NFYA: variants seen among roughly 807,000 people sequenced by gnomAD.
NFYA encodes the protein CAAT-box DNA binding protein subunit A.
A neutral mutation model predicts 52.8 loss-of-function variants in NFYA; 28 were observed. The observed-to-expected ratio is 0.53, with a 90% CI of 0.39 to 0.73. The LOEUF is 0.73. Ranked by LOEUF, NFYA falls within the 30% of genes least tolerant of loss-of-function variation. The pLI is 0.00. For synonymous variants in NFYA, 150 were observed against 150.7 expected (o/e 1.00, Z 0.03); for missense variants, 234 against 427.0 (o/e 0.55, Z 3.98).
intron 3 of NFYA, among the ~76,000 whole-genome samples, 164 bp from the exon 4 acceptor site, chr6:41,083,882 T>A (rs1763974366): frequency 6.6e-6 from 1 of 152,274 alleles, no homozygotes; most frequent in African/African-American, 2.4e-5. Flanking sequence ...ACAGGATTCA[T>A]AGATATTTAA....
intron 2 of NFYA, 36 bp downstream of exon 2, chr6:41,079,200 T>C (rs1561850499): frequency 3.1e-6 from 5 of 1,588,192 alleles, no homozygotes; most frequent in Non-Finnish European, 4.3e-6. Context: ...ATTACAGCAA[T>C]GAAACTGATA....
chr6:41,078,184 A>G (rs1446965849), intron 1 of NFYA, among the ~76,000 whole-genome samples: 1 of 152,206 alleles, frequency 6.6e-6, no homozygotes, highest in Non-Finnish European at 1.5e-5. Flanking sequence ...TTTAGATATC[A>G]ATACACTTCT....
In NFYA at chr6:41,099,769, G is replaced by A. The variant is rs1764450806; in HGVS notation, c.*2359G>A. The A allele has an allele frequency of 6.6e-6, 1 of 151,252 alleles. No individual in the cohort carries two copies. Among genetic ancestry groups the A allele is most frequent in the Non-Finnish European group, 1.5e-5 (1 of 67,930 alleles). The allele number at this position is 151,252 out of a possible 1,614,324, so 9.4% of individuals were successfully genotyped here. A position where few individuals can be genotyped will look rare whatever the true frequency, so the allele number is the denominator to read the frequency against. ...AAGTGTATATATTTTAACTGCACTG[G>A]TACATTGAACATGTCAGTGTCGATG... On this transcript the variant is annotated 3_prime_UTR_variant, in exon 10 of 10. Coordinates refer to ENST00000341376, the MANE Select transcript of NFYA (RefSeq NM_002505.5).
intron 1 of NFYA, among the ~76,000 whole-genome samples, chr6:41,076,597 AAG>A (rs1305820235): frequency 6.6e-6 from 1 of 152,226 alleles, no homozygotes; most frequent in Admixed American, 6.5e-5. Context: ...TAGTGGGGCA[AAG>A]AGAATTGCAC....
At chr6:41,073,524 C>T (rs1022963747) in intron 1 of NFYA, among the ~76,000 whole-genome samples, 3 of 152,112 alleles carry the variant, frequency 2.0e-5, no homozygotes, top group African/African-American at 7.2e-5. Context: ...ACTCTCCACT[C>T]TCCGGCCCTT....
chr6:41,091,586 G>C lies in NFYA; in HGVS notation c.606G>C (p.Gln202His), dbSNP rs1332683674. ...TIPAASLAGA[Q>H]IVQTGANTNT... is the part of the protein sequence containing the mutation. ...CAGCAGCCAGTTTGGCAGGAGCACAGATTGTTCAAACAGGAGCCAATACCA... is the reference window on the plus strand; with the variant it reads ...CAGCAGCCAGTTTGGCAGGAGCACACATTGTTCAAACAGGAGCCAATACCA... The change falls in exon 7 of 10, where the codon CAG becomes CAC. Residue 202 changes from glutamine (Q) to histidine (H), a missense_variant. Gln to His is a conservative substitution (Grantham distance 24, BLOSUM62 0). This residue lies in a region of NFYA where 81 missense variants were observed against 210.5 expected (regional missense o/e 0.38). Coordinates refer to ENST00000341376, the MANE Select transcript of NFYA (RefSeq NM_002505.5). The C allele has an allele frequency of 6.2e-7, 1 of 1,614,096 alleles. No homozygotes were observed. The highest frequency in any genetic ancestry group is 8.5e-7 in the Non-Finnish European group (1 of 1,180,032).
intron 4 of NFYA, among the ~76,000 whole-genome samples, chr6:41,088,829 C>G (rs1227239832): frequency 6.6e-6 from 1 of 151,172 alleles, no homozygotes; most frequent in Non-Finnish European, 1.5e-5. Context: ...AATCTGCTCG[C>G]CTCAGCCTCC....
chr6:41,093,319 G>C (rs1233690984), intron 8 of NFYA, among the ~76,000 whole-genome samples: 1 of 152,122 alleles, frequency 6.6e-6, no homozygotes, highest in Admixed American at 6.6e-5. Flanking sequence ...CATAAAAGTA[G>C]TCCAGAGATA....
At chr6:41,086,271 C>T (rs915956067) in intron 4 of NFYA, among the ~76,000 whole-genome samples, 3 of 152,066 alleles carry the variant, frequency 2.0e-5, no homozygotes, top group Admixed American at 6.5e-5. Flanking sequence ...ATTTAATTGT[C>T]GGTTTGCTCA....
In NFYA at chr6:41,100,811, G is replaced by A. The variant is rs953786095; in HGVS notation, c.*3401G>A. Among the ~76,000 whole-genome samples, 14 of 152,224 alleles carry A rather than the reference G, an allele frequency of 9.2e-5. No individual in the cohort carries two copies. The highest frequency in any genetic ancestry group is 2.9e-4 in the African/African-American group (12 of 41,454). On this transcript the variant is annotated 3_prime_UTR_variant, in exon 10 of 10. Transcript: ENST00000341376. Reference sequence around the variant, plus strand: ...ACAGCTTTGCTCCTTTGAAAGCGCAGACCGCCGCACCTCCAGCCCCTTCTC... The same window carrying A: ...ACAGCTTTGCTCCTTTGAAAGCGCAAACCGCCGCACCTCCAGCCCCTTCTC...
At chr6:41,089,831 T>C (rs1474299378) in intron 5 of NFYA, 121 bp downstream of exon 5, 19 of 1,409,316 alleles carry the variant, frequency 1.3e-5, no homozygotes, top group Admixed American at 2.6e-5. Context: ...TAAAAAAATA[T>C]ATTTTTGGCC....
At position 41,101,824 on chromosome 6, in the gene NFYA, A is replaced by G. The variant is rs183752573; in HGVS notation, c.*4414A>G. 7.2e-5 allele frequency among the ~76,000 whole-genome samples: 11 copies of G among 152,294 alleles called. No homozygotes were observed. The highest frequency in any genetic ancestry group is 2.6e-4 in the African/African-American group (11 of 41,574). ...GGAAGCAGAGAGGGTGGTCCTTTGG[A>G]TTCCCAGTGGCAGCAGCAACCAACC... On this transcript the variant is annotated 3_prime_UTR_variant, in exon 10 of 10. Coordinates refer to ENST00000341376, the MANE Select transcript of NFYA (RefSeq NM_002505.5).
intron 4 of NFYA, among the ~76,000 whole-genome samples, chr6:41,088,453 T>A (rs1023890396): frequency 1.3e-5 from 2 of 151,250 alleles, no homozygotes; most frequent in Non-Finnish European, 2.9e-5. Context: ...AAATTTATTT[T>A]ATAGTTTCTG....
At position 41,097,460 on chromosome 6, in the gene NFYA, A is replaced by T; in HGVS notation, c.*50A>T. On this transcript the variant is annotated 3_prime_UTR_variant, in exon 10 of 10. Coordinates refer to ENST00000341376, the MANE Select transcript of NFYA (RefSeq NM_002505.5). ...TCAAGGTCATGTTTCTCACTGTTCC[A>T]GGAAATTGATCAACTCTTCCAATGG... 1.3e-6 allele frequency: 2 copies of T among 1,585,520 alleles called. No individual in the cohort carries two copies. Among genetic ancestry groups the T allele is most frequent in the Non-Finnish European group, 1.7e-6 (2 of 1,154,840 alleles).
intron 8 of NFYA, among the ~76,000 whole-genome samples, chr6:41,093,628 G>A (rs552687683): frequency 3.3e-5 from 5 of 152,160 alleles, no homozygotes; most frequent in Middle Eastern, 3.4e-3. Flanking sequence ...GCGCCACCAC[G>A]CCCAGCTTAT....
At chr6:41,079,791 T>C (rs1257462175) in intron 2 of NFYA, among the ~76,000 whole-genome samples, 1 of 152,214 alleles carries the variant, frequency 6.6e-6, no homozygotes, top group Non-Finnish European at 1.5e-5. Flanking sequence ...AAAAATGTAT[T>C]ATGTTTCTAT....
At chr6:41,096,656 C>T (rs1456154016) in intron 9 of NFYA, among the ~76,000 whole-genome samples, 2 of 152,228 alleles carry the variant, frequency 1.3e-5, no homozygotes, top group South Asian at 2.1e-4. Context: ...CCTACCAAGG[C>T]TTCAGAGCCT....
At chr6:41,086,530 T>TC (rs1764048866) in intron 4 of NFYA, among the ~76,000 whole-genome samples, 1 of 152,176 alleles carries the variant, frequency 6.6e-6, no homozygotes, top group Non-Finnish European at 1.5e-5. Flanking sequence ...GAGTTTTTTT[T>TC]CTCATTAGTG....
At chr6:41,089,848 G>A (rs780093846) in intron 5 of NFYA, 138 bp downstream of exon 5, 45 of 1,209,138 alleles carry the variant, frequency 3.7e-5, no homozygotes, top group East Asian at 2.1e-4. Context: ...GGCCGGGCGC[G>A]GTGGCTCATG....
Sources: allele counts gnomAD v4.1 joint callset (sites outside exome capture counted in the v4.1 genomes callset), GRCh38; gene constraint gnomAD v4.1.1; regional missense constraint gnomAD v4.1.1; transcripts MANE v1.5; gene names NCBI Gene and HGNC (gene_info 2026-07-23, HGNC 2026-07-21).